The following AGBL4 variants were observed in gnomAD, a reference collection of about 807,000 sequenced individuals.
The protein encoded by AGBL4 is AGBL carboxypeptidase 4, also known as cytosolic carboxypeptidase 6.
A neutral mutation model predicts 66.4 loss-of-function variants in AGBL4; 58 were observed. That is an observed-to-expected ratio of 0.87 (90% CI 0.71 to 1.09). AGBL4 has a LOEUF of 1.09. AGBL4 is among the 50% of genes least tolerant of loss of function. AGBL4 has a pLI of 0.00. For synonymous variants in AGBL4, 234 were observed against 222.9 expected (o/e 1.05, Z -0.44); for missense variants, 579 against 631.0 (o/e 0.92, Z 0.88).
At chr1:48,908,094 A>G (rs1652785888) in intron 5 of AGBL4, among the ~76,000 whole-genome samples, 1 of 152,166 alleles carries the variant, frequency 6.6e-6, no homozygotes, top group Non-Finnish European at 1.5e-5. Flanking sequence ...CTCTCTTCTA[A>G]GAGGCACTCC....
chr1:49,668,334 A>G (rs1056586704), intron 3 of AGBL4, among the ~76,000 whole-genome samples: 1 of 152,160 alleles, frequency 6.6e-6, no homozygotes, highest in African/African-American at 2.4e-5. Context: ...ACAGGCTGTT[A>G]TTTACTGAAA....
intron 3 of AGBL4, among the ~76,000 whole-genome samples, chr1:49,377,329 T>C (rs1056183466): frequency 6.6e-6 from 1 of 152,090 alleles, no homozygotes; most frequent in Non-Finnish European, 1.5e-5. Context: ...TTATCTCTTT[T>C]AATTCTTCCA....
At chr1:49,179,965 G>A (rs1334724537) in intron 4 of AGBL4, among the ~76,000 whole-genome samples, 1 of 151,786 alleles carries the variant, frequency 6.6e-6, no homozygotes, top group Non-Finnish European at 1.5e-5. Flanking sequence ...GCAATGGCGC[G>A]ATCTCGGCTC....
chr1:48,732,715 C>T (rs531991403), intron 6 of AGBL4, among the ~76,000 whole-genome samples: 43 of 152,188 alleles, frequency 2.8e-4, no homozygotes, highest in African/African-American at 9.2e-4. Context: ...AGAGGCGTCC[C>T]AAAGGCAGAT....
intron 3 of AGBL4, among the ~76,000 whole-genome samples, chr1:49,692,787 A>G (rs1646915210): frequency 6.6e-6 from 1 of 152,086 alleles, no homozygotes; most frequent in Admixed American, 6.6e-5. Flanking sequence ...TCTATGTAAA[A>G]GTGTGTATGT....
intron 8 of AGBL4, among the ~76,000 whole-genome samples, chr1:48,646,767 A>T (rs1443420334): frequency 6.6e-6 from 1 of 152,086 alleles, no homozygotes; most frequent in Non-Finnish European, 1.5e-5. Flanking sequence ...GCCTAGGGTC[A>T]GCAACTAGGG....
At chr1:49,598,878 T>C (rs1447444615) in intron 3 of AGBL4, among the ~76,000 whole-genome samples, 1 of 152,162 alleles carries the variant, frequency 6.6e-6, no homozygotes, top group Admixed American at 6.6e-5. Flanking sequence ...TTTGTCATTG[T>C]TTCTGTTTAT....
chr1:49,269,315 T>C (rs915991778), intron 3 of AGBL4: 1 of 152,204 alleles, frequency 6.6e-6, no homozygotes, highest in Non-Finnish European at 1.5e-5. Flanking sequence ...TTTTTGGTGC[T>C]TTGTTATTGA....
At chr1:49,963,415 T>A (rs1657282207) in intron 1 of AGBL4, among the ~76,000 whole-genome samples, 1 of 152,134 alleles carries the variant, frequency 6.6e-6, no homozygotes, top group Admixed American at 6.6e-5. Context: ...AAGCAAAACC[T>A]AACTCTTTTT....
intron 3 of AGBL4, among the ~76,000 whole-genome samples, chr1:49,350,480 G>A (rs1645731272): frequency 1.3e-5 from 2 of 152,198 alleles, no homozygotes; most frequent in African/African-American, 4.8e-5. Flanking sequence ...TGGGATTACA[G>A]GCGTGAGCCA....
chr1:49,175,034 C>T (rs1399476816), intron 4 of AGBL4: 12 of 151,950 alleles, frequency 7.9e-5, no homozygotes, highest in Non-Finnish European at 1.3e-4. Context: ...CAAAAAGAAA[C>T]CAAAAATCAT....
At chr1:49,795,770 C>T (rs750050689) in intron 2 of AGBL4, among the ~76,000 whole-genome samples, 102 of 151,898 alleles carry the variant, frequency 6.7e-4, no homozygotes, top group Non-Finnish European at 1.0e-3. Context: ...TAAGTTAGTA[C>T]TTCAGTTTAC....
At chr1:49,142,003 G>T (rs1488610579) in intron 4 of AGBL4, among the ~76,000 whole-genome samples, 2 of 152,094 alleles carry the variant, frequency 1.3e-5, no homozygotes, top group African/African-American at 4.8e-5. Flanking sequence ...GGTGGTGGGG[G>T]GGTGGGAGTG....
intron 2 of AGBL4, among the ~76,000 whole-genome samples, chr1:49,708,073 T>A (rs1647346299): frequency 6.6e-6 from 1 of 152,126 alleles, no homozygotes; most frequent in Non-Finnish European, 1.5e-5. Flanking sequence ...GTGTTCTCTG[T>A]ATTTCCAGAA....
At chr1:48,882,435 A>T (rs1649881718) in intron 5 of AGBL4, among the ~76,000 whole-genome samples, 1 of 152,192 alleles carries the variant, frequency 6.6e-6, no homozygotes, top group Non-Finnish European at 1.5e-5. Context: ...TTTACAGTGT[A>T]TAATATGTTT....
intron 6 of AGBL4, chr1:48,727,777 C>T: frequency 9.2e-7 from 1 of 1,085,650 alleles, no homozygotes; most frequent in East Asian, 2.4e-5. Context: ...CCGATGGATC[C>T]CTGCACACAC....
chr1:48,731,005 C>T (rs970502846), intron 6 of AGBL4, among the ~76,000 whole-genome samples: 1 of 152,146 alleles, frequency 6.6e-6, no homozygotes, highest in Non-Finnish European at 1.5e-5. Context: ...CCTCTGCTAT[C>T]GGGTAAGGAA....
chr1:48,663,542 C>A (rs1646140540), intron 6 of AGBL4, among the ~76,000 whole-genome samples: 2 of 152,100 alleles, frequency 1.3e-5, no homozygotes, highest in African/African-American at 4.8e-5. Flanking sequence ...CTGACTGTGA[C>A]TTTAGGCAAC....
intron 3 of AGBL4, among the ~76,000 whole-genome samples, chr1:49,364,658 G>T (rs1570530919): frequency 6.6e-6 from 1 of 151,736 alleles, no homozygotes; most frequent in Admixed American, 6.6e-5. Context: ...TTTTATTTTT[G>T]GTAGAGACGG....
Sources: gnomAD v4.1 joint callset for allele counts (sites outside exome capture counted in the v4.1 genomes callset) on GRCh38, gnomAD v4.1.1 for gene constraint, MANE v1.5 for transcripts, NCBI Gene and HGNC (gene_info 2026-07-23, HGNC 2026-07-21) for gene names.